Variants in DAB2 observed in about 807,000 individuals in gnomAD.
DAB2 encodes disabled homolog 2.
In DAB2, 28 loss-of-function variants were observed where a neutral mutation model predicts 71.6. The ratio of observed to expected loss-of-function variants is 0.39; its 90% CI spans 0.29 to 0.54. The LOEUF (loss-of-function observed/expected upper bound fraction) is 0.54. Among genes scored for constraint, DAB2 ranks in the 20% least tolerant of loss-of-function variants. The pLI, the probability that DAB2 is intolerant of heterozygous loss-of-function variation, is 0.68. For missense variants in DAB2, 867 were observed against 928.8 expected (o/e 0.93, Z 0.86); for synonymous variants, 345 against 339.7 (o/e 1.02, Z -0.17).
intron 4 of DAB2, among the ~76,000 whole-genome samples, chr5:39,391,797 G>A (rs1755232115): frequency 6.6e-6 from 1 of 151,758 alleles, no homozygotes; most frequent in South Asian, 2.1e-4. Flanking sequence ...ACAAAAACAA[G>A]GTTACATCTG....
chr5:39,381,469 G>A lies in DAB2; in HGVS notation c.1489C>T (p.Pro497Ser). ...AGGCACCTACCTAGACCCACCAGGG[G>A]CCCCACTGGGGCAGGAGCACTTGTT... is the stretch of plus-strand genomic sequence containing the variant. ...FKTSAPAPVG[P>S]LVGLGGVTVT... The change falls in exon 11 of 15, where the codon CCC becomes TCC. Residue 497 changes from proline (P) to serine (S), a missense_variant. Coordinates refer to ENST00000320816, the MANE Select transcript of DAB2 (RefSeq NM_001343.4). The A allele has an allele frequency of 6.2e-7, 1 of 1,613,952 alleles. No homozygotes were observed. The highest frequency in any genetic ancestry group is 8.5e-7 in the Non-Finnish European group (1 of 1,179,950).
chr5:39,376,657 C>A lies in DAB2; in HGVS notation c.2130G>T (p.Lys710Asn). ...DDFDANQLLN[K>N]INEPPKPAPR... ...GAGTGGTGAGTGGCTTACCATTGAT[C>A]TTGTTCAATAGTTGATTAGCATCAA... The change falls in exon 12 of 15, where the codon AAG (lysine) becomes AAT (asparagine). Residue 710 changes from lysine (K) to asparagine (N), a missense_variant. Coordinates refer to ENST00000320816, the MANE Select transcript of DAB2 (RefSeq NM_001343.4). The A allele has an allele frequency of 1.2e-6, 2 of 1,613,716 alleles. No individual in the cohort carries two copies. The highest frequency in any genetic ancestry group is 1.7e-6 in the Non-Finnish European group (2 of 1,179,850).
At chr5:39,393,508 T>C (rs895629302) in intron 2 of DAB2, 115 bp from the exon 3 acceptor site, 8 of 1,068,428 alleles carry the variant, frequency 7.5e-6, no homozygotes, top group Admixed American at 4.4e-5. Context: ...CAACTGATCA[T>C]GTATGTAATA....
intron 12 of DAB2, among the ~76,000 whole-genome samples, 162 bp downstream of exon 12, chr5:39,376,488 A>G (rs1754833987): frequency 6.6e-6 from 1 of 152,184 alleles, no homozygotes; most frequent in Non-Finnish European, 1.5e-5. Context: ...AGTTATCACC[A>G]AAAGGTAAAT....
rs760182948 is a variant in DAB2, at chr5:39,389,137, T to C, written c.544-14A>G. 1.1e-5 allele frequency: 17 copies of C among 1,606,842 alleles called. No individual in the cohort carries two copies. Among genetic ancestry groups the C allele is most frequent in the Middle Eastern group, 1.6e-4 (1 of 6,074 alleles). ...GGCTTCCTCTATCTAAAAAGAAAGA[T>C]ACATATTCAGTGATCTTCATATTCA... On this transcript the variant is annotated splice_polypyrimidine_tract_variant and intron_variant, in intron 6 of 14. Coordinates refer to ENST00000320816, the MANE Select transcript of DAB2 (RefSeq NM_001343.4).
At chr5:39,418,976 G>C (rs1755910827) in intron 1 of DAB2, among the ~76,000 whole-genome samples, 1 of 152,128 alleles carries the variant, frequency 6.6e-6, no homozygotes, top group South Asian at 2.1e-4. Context: ...CTAGGCTGTG[G>C]GCACAGTCAT....
intron 1 of DAB2, among the ~76,000 whole-genome samples, chr5:39,406,552 ACC>A (rs1755614197): frequency 6.6e-6 from 1 of 152,206 alleles, no homozygotes; most frequent in African/African-American, 2.4e-5. Context: ...CTCATAGGAG[ACC>A]CCAAGACCAG....
At chr5:39,397,531 GC>G (rs1271328217) in intron 1 of DAB2, among the ~76,000 whole-genome samples, 10 of 152,246 alleles carry the variant, frequency 6.6e-5, no homozygotes, top group Admixed American at 6.5e-4. Context: ...CTTAATATCT[GC>G]GGCCATACAA....
chr5:39,403,391 A>G (rs116448734), intron 1 of DAB2, among the ~76,000 whole-genome samples: 352 of 152,294 alleles, frequency 2.3e-3, no homozygotes, highest in African/African-American at 8.3e-3. Context: ...AGCCCATTAC[A>G]TGGGGACTGA....
intron 11 of DAB2, among the ~76,000 whole-genome samples, chr5:39,378,863 G>T (rs994205435): frequency 1.3e-5 from 2 of 152,030 alleles, no homozygotes; most frequent in African/African-American, 4.8e-5. Flanking sequence ...CTTATTTCAC[G>T]GATACAGAAA....
rs1756019273 is a variant in DAB2, at chr5:39,422,735, C to T, written c.-102+2069G>A. On this transcript the variant is annotated intron_variant, in intron 1 of 14. Transcript: ENST00000320816. This position sits in a 1 kb window ranked among gnomAD's most constrained non-coding sequence, Gnocchi z 4.1. ...GCTGGTCAGCAGCTGCCAGAGGTCC[C>T]TGTACTACCTTCATGCCAACAAGTG... Among the ~76,000 whole-genome samples the T allele has an allele frequency of 6.6e-6, 1 of 152,130 alleles. No homozygotes were observed. Among genetic ancestry groups the T allele is most frequent in the African/African-American group, 2.4e-5 (1 of 41,412 alleles).
chr5:39,389,198 C>T (rs1029616826), intron 6 of DAB2, 75 bp from the exon 7 acceptor site: 6 of 1,173,194 alleles, frequency 5.1e-6, no homozygotes, highest in South Asian at 1.3e-5. Flanking sequence ...ACAAGTATGC[C>T]TATGGTTCAC....
At chr5:39,401,472 T>G (rs940011330) in intron 1 of DAB2, among the ~76,000 whole-genome samples, 1 of 152,174 alleles carries the variant, frequency 6.6e-6, no homozygotes, top group African/African-American at 2.4e-5. Context: ...AGAGGTGGGA[T>G]AGCATAGCAG....
At chr5:39,389,722 G>A in intron 6 of DAB2, 130 bp downstream of exon 6, 2 of 571,388 alleles carry the variant, frequency 3.5e-6, no homozygotes, top group South Asian at 4.0e-5. Context: ...ATGTTGGCCA[G>A]GCTGGTCTCG....
At chr5:39,396,279 T>G (rs950358163) in intron 1 of DAB2, among the ~76,000 whole-genome samples, 1 of 152,180 alleles carries the variant, frequency 6.6e-6, no homozygotes, top group African/African-American at 2.4e-5. Context: ...CCAGACTGTC[T>G]GGCCCCAAAC....
rs73078542 is a variant in DAB2, at chr5:39,376,071, G to T, written c.2173C>A (p.Pro725Thr). Reference protein sequence around the residue: ...PKPAPRQVSLPVTKSTDNAFE... With the variant: ...PKPAPRQVSLTVTKSTDNAFE... ...GCATTGTCAGTAGATTTGGTAACTG[G>T]CAGGGAAACTTGTCTGGGAGCTGGC... Residue 725 changes from proline (P) to threonine (T), a missense_variant, in exon 13 of 15, where the codon CCA becomes ACA. Physicochemically the swap from Pro to Thr is conservative, Grantham distance 38. Coordinates refer to ENST00000320816, the MANE Select transcript of DAB2 (RefSeq NM_001343.4). The T allele has an allele frequency of 2.2e-4, 362 of 1,614,012 alleles. No individual in the cohort carries two copies. The African/African-American group carries it at 4.1e-3, about 18-fold the overall frequency.
At chr5:39,421,381 T>C (rs1350020654) in intron 1 of DAB2, among the ~76,000 whole-genome samples, 1 of 152,150 alleles carries the variant, frequency 6.6e-6, no homozygotes, top group Non-Finnish European at 1.5e-5. Flanking sequence ...TTAGATTAGC[T>C]GTCTTCCCAG....
At chr5:39,388,985 A>C in intron 7 of DAB2, 112 bp downstream of exon 7, 1 of 1,306,102 alleles carries the variant, frequency 7.7e-7, no homozygotes, top group South Asian at 1.2e-5. Context: ...TGATCAGAGA[A>C]GTCATAAACA....
chr5:39,385,594 G>A (rs1579905733), intron 9 of DAB2, among the ~76,000 whole-genome samples: 1 of 152,240 alleles, frequency 6.6e-6, no homozygotes, highest in East Asian at 1.9e-4. Context: ...CCTCCAGTTG[G>A]CCACTGTTTG....
Sources: gnomAD v4.1 joint callset for allele counts (sites outside exome capture counted in the v4.1 genomes callset) on GRCh38, gnomAD v4.1.1 for gene constraint, Gnocchi (gnomAD v3.1) non-coding constraint, MANE v1.5 for transcripts, NCBI Gene and HGNC (gene_info 2026-07-23, HGNC 2026-07-21) for gene names.